SUCLG1: variants seen among roughly 807,000 people sequenced by gnomAD.
The protein encoded by SUCLG1 is succinate-CoA ligase GDP/ADP-forming subunit alpha.
In SUCLG1, 26 loss-of-function variants were observed where a neutral mutation model predicts 37.3. That is an observed-to-expected ratio of 0.70 (90% confidence interval 0.51 to 0.97). The LOEUF is 0.97. Among genes scored for constraint, SUCLG1 ranks in the 50% least tolerant of loss-of-function variants. The probability of loss-of-function intolerance (pLI) is 0.00; values close to 1 mark genes in which losing one functional copy is unlikely to be tolerated. For missense variants in SUCLG1, 433 were observed against 432.9 expected (o/e 1.00, Z 0.00); for synonymous variants, 163 against 155.6 (o/e 1.05, Z -0.36).
At chr2:84,456,281 A>G (rs1277510551) in intron 1 of SUCLG1, among the ~76,000 whole-genome samples, 2 of 152,192 alleles carry the variant, frequency 1.3e-5, no homozygotes, top group African/African-American at 4.8e-5. Context: ...ATCACATGGT[A>G]CATGCTGGCG....
chr2:84,429,157 A>C (rs1672579330), intron 7 of SUCLG1, among the ~76,000 whole-genome samples: 1 of 152,216 alleles, frequency 6.6e-6, no homozygotes, highest in Non-Finnish European at 1.5e-5. Context: ...GAACTGCTTA[A>C]CTTACAATCT....
At chr2:84,458,444 A>G (rs375242992) in intron 1 of SUCLG1, 1 of 152,358 alleles carries the variant, frequency 6.6e-6, no homozygotes, top group South Asian at 2.1e-4. Flanking sequence ...TCTTTCTACT[A>G]TAACCTACCT....
At chr2:84,429,625 G>C (rs1260888523) in intron 7 of SUCLG1, among the ~76,000 whole-genome samples, 1 of 152,052 alleles carries the variant, frequency 6.6e-6, no homozygotes, top group Admixed American at 6.5e-5. Flanking sequence ...AATGAAAACT[G>C]GCATGTCAGA....
intron 6 of SUCLG1, chr2:84,433,109 G>A (rs1672633770): frequency 3.6e-6 from 2 of 558,544 alleles, no homozygotes; most frequent in South Asian, 2.1e-5. Flanking sequence ...AGGCACCAAG[G>A]TGCTTCGGGA....
Position 84,443,309 on chromosome 2 carries a change from A to G in SUCLG1, c.293T>C (p.Leu98Ser). Residue 98 changes from leucine to serine, a missense_variant, in exon 3 of 9, where the codon TTA becomes TCA. Physicochemically the swap from Leu to Ser is moderately radical, Grantham distance 145. Coordinates refer to ENST00000393868, the MANE Select transcript of SUCLG1 (RefSeq NM_003849.4). ...PGKGGQTHLG[L>S]PVFNTVKEAK... ...CTCCTTCACAGTATTAAAGACAGGT[A>G]AGCCCAGATGTGTCTGGCCTCCTTT... is the stretch of plus-strand genomic sequence containing the variant. 1 of 1,614,116 alleles carries G rather than the reference A, an allele frequency of 6.2e-7. No individual in the cohort carries two copies. Among genetic ancestry groups the G allele is most frequent in the Non-Finnish European group, 8.5e-7 (1 of 1,179,938 alleles).
chr2:84,438,304 A>T (rs888131753), intron 5 of SUCLG1, among the ~76,000 whole-genome samples: 1 of 152,226 alleles, frequency 6.6e-6, no homozygotes, highest in African/African-American at 2.4e-5. Context: ...AAAAGAGGCC[A>T]GAAGAGTCAA....
rs542570504 is a variant in SUCLG1, at chr2:84,443,886, C to G, written c.202-486G>C. On this transcript the variant is annotated intron_variant, in intron 2 of 8. Coordinates refer to ENST00000393868, the MANE Select transcript of SUCLG1 (RefSeq NM_003849.4). ...GTCTCATTTTAAATTAATGATCACT[C>G]ACCTTAAGTAAGCCTTCAATACTGC... 8.2e-4 allele frequency among the ~76,000 whole-genome samples: 125 copies of G among 152,306 alleles called. 4 individuals are homozygous for G. In the South Asian group the frequency reaches 0.026, roughly 31 times the overall value.
At chr2:84,448,870 CATATT>C in intron 2 of SUCLG1, 1 of 286,106 alleles carries the variant, frequency 3.5e-6, no homozygotes, top group Non-Finnish European at 7.2e-6. Flanking sequence ...CTACAAAACA[CATATT>C]ATATAAATAT....
intron 1 of SUCLG1, among the ~76,000 whole-genome samples, chr2:84,455,243 T>C (rs759211220): frequency 1.3e-5 from 2 of 152,172 alleles, no homozygotes; most frequent in Admixed American, 6.5e-5. Context: ...TATTAATTAC[T>C]GGTAAAAAAG....
At chr2:84,428,339 G>A (rs1489628803) in intron 7 of SUCLG1, among the ~76,000 whole-genome samples, 3 of 147,314 alleles carry the variant, frequency 2.0e-5, no homozygotes, top group African/African-American at 7.5e-5. Context: ...CCTATTCCCC[G>A]TGTGTTCTTC....
chr2:84,428,073 T>C (rs1183838735), intron 7 of SUCLG1, among the ~76,000 whole-genome samples: 1 of 152,176 alleles, frequency 6.6e-6, no homozygotes, highest in East Asian at 1.9e-4. Context: ...CTTTCCTCCC[T>C]TTCTCCTTAT....
At chr2:84,433,278 T>A in intron 6 of SUCLG1, 74 bp downstream of exon 6, 1 of 1,231,982 alleles carries the variant, frequency 8.1e-7, no homozygotes, top group South Asian at 1.3e-5. Flanking sequence ...AATAATAAAA[T>A]CAATAATTAT....
chr2:84,449,256 T>G (rs1036535739), intron 2 of SUCLG1, among the ~76,000 whole-genome samples: 2 of 152,234 alleles, frequency 1.3e-5, no homozygotes, highest in Non-Finnish European at 2.9e-5. Flanking sequence ...ATATGGATTC[T>G]GTGTTTAACA....
At chr2:84,454,363 T>C (rs894901157) in intron 1 of SUCLG1, among the ~76,000 whole-genome samples, 1 of 152,236 alleles carries the variant, frequency 6.6e-6, no homozygotes, top group Non-Finnish European at 1.5e-5. Context: ...AATAATAGTA[T>C]CTCCTTCATA....
rs1170851847 is a variant in SUCLG1, at chr2:84,449,902, A to C, written c.98-150T>G. 11 of 590,110 alleles carry C rather than the reference A, an allele frequency of 1.9e-5. No homozygotes were observed. In the East Asian group the frequency reaches 3.1e-4, roughly 17 times the overall value. The allele number at this position is 590,110 out of a possible 1,614,324, so 36.6% of individuals were successfully genotyped here. A position where few individuals can be genotyped will look rare whatever the true frequency, so the allele number is the denominator to read the frequency against. On this transcript the variant is annotated intron_variant, in intron 1 of 8. Transcript: ENST00000393868. ...ACGGCAAACCTAAATGCCACCTTTT[A>C]AATAAGACACAGTGACCACAGAAAT...
Position 84,425,655 on chromosome 2 carries a change from G to A in SUCLG1, c.826-52C>T, listed in dbSNP as rs149677455. 2.5e-4 allele frequency: 399 copies of A among 1,599,426 alleles called. 1 individual carries two copies. The highest frequency in any genetic ancestry group is 1.4e-3 in the East Asian group (62 of 44,790). ...CTCTAATGAAGAAGTCAATCAAAAC[G>A]GGACCTCAAATTCATGACTCTGCTG... On this transcript the variant is annotated intron_variant, in intron 7 of 8. Transcript: ENST00000393868.
intron 7 of SUCLG1, chr2:84,425,870 G>A (rs1672529471): frequency 2.1e-6 from 1 of 484,298 alleles, no homozygotes; most frequent in African/African-American, 1.9e-5. Context: ...AAATACACAT[G>A]ACGCTATCAT....
In SUCLG1 at chr2:84,441,280, CCTT is replaced by C; in HGVS notation, c.495_497del (p.Arg166del). The C allele has an allele frequency of 6.2e-7, 1 of 1,614,112 alleles. No homozygotes were observed. The highest frequency in any genetic ancestry group is 8.5e-7 in the Non-Finnish European group (1 of 1,180,028). On this transcript the variant is annotated inframe_deletion, in exon 4 of 9. Transcript: ENST00000393868. The stretch of plus-strand genomic sequence containing the variant: ...CTCCAGGGCAGTTGGGCCCAATTAG[CCTT>C]GTCTTTTCCTGGCGCAGCAGTTTGT...
intron 1 of SUCLG1, among the ~76,000 whole-genome samples, chr2:84,456,302 T>G (rs901454041): frequency 6.6e-6 from 1 of 152,160 alleles, no homozygotes; most frequent in Non-Finnish European, 1.5e-5. Context: ...GAAAGGATAC[T>G]GCAGAGTCAG....
Sources: allele counts gnomAD v4.1 joint callset (sites outside exome capture counted in the v4.1 genomes callset), GRCh38; gene constraint gnomAD v4.1.1; transcripts MANE v1.5; gene names NCBI Gene and HGNC (gene_info 2026-07-23, HGNC 2026-07-21).